Variants in PHTF1 observed in about 807,000 individuals in gnomAD.
PHTF1 encodes putative homeodomain transcription factor 1.
Under a neutral mutation model 102.4 loss-of-function variants are expected in PHTF1, and 88 were observed. That is an observed-to-expected ratio of 0.86 (90% CI 0.72 to 1.03). The LOEUF (loss-of-function observed/expected upper bound fraction) is 1.03, where lower values mean the gene tolerates loss of function less well. PHTF1 is among the 50% of genes least tolerant of loss of function. The pLI is 0.00. For missense variants in PHTF1, 814 were observed against 909.5 expected (o/e 0.89, Z 1.35); for synonymous variants, 289 against 305.2 (o/e 0.95, Z 0.55).
intron 2 of PHTF1, 61 bp from the exon 3 acceptor site, chr1:113,757,816 C>G (rs557928901): frequency 9.3e-7 from 1 of 1,075,022 alleles, no homozygotes; most frequent in East Asian, 2.4e-5. Context: ...ATTATTAAGT[C>G]AAGCCTCATA....
Position 113,704,639 on chromosome 1 carries a change from C to T in PHTF1, c.1803+27G>A, listed in dbSNP as rs115915824. The T allele has an allele frequency of 3.9e-6, 6 of 1,536,890 alleles. No homozygotes were observed. The African/African-American group carries it at 6.9e-5, about 18-fold the overall frequency. ...TTCAGTGAGCATATTCTTGCACATACTCTATTGTTAATCAAATAAAACTCA... is the reference window on the plus strand; with the variant it reads ...TTCAGTGAGCATATTCTTGCACATATTCTATTGTTAATCAAATAAAACTCA... On this transcript the variant is annotated intron_variant, in intron 14 of 18. Coordinates refer to ENST00000369604, the MANE Select transcript of PHTF1 (RefSeq NM_001323043.2).
intron 16 of PHTF1, 99 bp from the exon 17 acceptor site, chr1:113,699,898 T>TA (rs1357504411): frequency 4.3e-6 from 3 of 702,938 alleles, no homozygotes; most frequent in Non-Finnish European, 6.9e-6. Context: ...TCAAGTAAAA[T>TA]AAATTTTGAA....
intron 3 of PHTF1, among the ~76,000 whole-genome samples, chr1:113,754,149 G>A (rs1458832462): frequency 6.6e-6 from 1 of 152,166 alleles, no homozygotes; most frequent in East Asian, 1.9e-4. Context: ...AGCGTCTCAT[G>A]CCTATAATCT....
chr1:113,747,250 T>C (rs963532870), intron 3 of PHTF1, among the ~76,000 whole-genome samples: 3 of 152,258 alleles, frequency 2.0e-5, no homozygotes, highest in African/African-American at 7.2e-5. Context: ...CTAAGCCAAG[T>C]AGTGAACTAT....
At chr1:113,710,580 C>A in intron 10 of PHTF1, 105 bp from the exon 11 acceptor site, 1 of 761,836 alleles carries the variant, frequency 1.3e-6, no homozygotes, top group Non-Finnish European at 2.1e-6. Flanking sequence ...TGAAAGCCTT[C>A]AGAAGTCAAT....
chr1:113,728,899 G>A (rs2101489654), intron 5 of PHTF1, among the ~76,000 whole-genome samples: 1 of 152,318 alleles, frequency 6.6e-6, no homozygotes, highest in Non-Finnish European at 1.5e-5. Context: ...GTGACAGAAT[G>A]AGACTCTGTC....
intron 7 of PHTF1, among the ~76,000 whole-genome samples, chr1:113,723,888 T>C (rs1188406272): frequency 6.6e-6 from 1 of 152,204 alleles, no homozygotes; most frequent in East Asian, 1.9e-4. Context: ...AAGGGATTAA[T>C]AACCAGAATA....
chr1:113,697,024 T>C lies in PHTF1; in HGVS notation c.*681A>G, dbSNP rs1348747995. On this transcript the variant is annotated 3_prime_UTR_variant, in exon 19 of 19. Transcript: ENST00000369604. The stretch of plus-strand genomic sequence containing the variant: ...TGATGGAAATGGATGAGTAGGCATA[T>C]ACTTAAATTTTTCATGCTGAATTAC... The C allele has an allele frequency of 6.6e-6, 1 of 152,290 alleles. No individual in the cohort carries two copies. The highest frequency in any genetic ancestry group is 2.4e-5 in the African/African-American group (1 of 41,448). The allele number at this position is 152,290 out of a possible 1,614,324, so 9.4% of individuals were successfully genotyped here.
chr1:113,708,097 T>A (rs1295139279), intron 11 of PHTF1, among the ~76,000 whole-genome samples: 1 of 151,904 alleles, frequency 6.6e-6, no homozygotes, highest in Admixed American at 6.6e-5. Flanking sequence ...AAGCAAGCAA[T>A]CCAGAAAGAA....
At chr1:113,700,299 G>GA (rs1483821967) in intron 16 of PHTF1, 9 of 404,702 alleles carry the variant, frequency 2.2e-5, no homozygotes, top group Non-Finnish European at 3.0e-5. Context: ...AAAGTTTATG[G>GA]AAAAACTTGA....
At position 113,738,587 on chromosome 1, in the gene PHTF1, A is replaced by G. The variant is rs1655877156; in HGVS notation, c.172+143T>C. On this transcript the variant is annotated intron_variant, in intron 4 of 18. Transcript: ENST00000369604. ...AGAGTCACACAGTACTAAGAGGTGG[A>G]AAAAGTGCTAAAGCCTGAATGATGA... is the stretch of plus-strand genomic sequence containing the variant. The G allele has an allele frequency of 1.1e-5, 7 of 611,304 alleles. No homozygotes were observed. The South Asian group carries it at 1.6e-4, about 14-fold the overall frequency. 37.9% of individuals were successfully genotyped at this position (611,304 alleles called of 1,614,324 possible).
At chr1:113,723,515 T>C (rs1653335956) in intron 7 of PHTF1, among the ~76,000 whole-genome samples, 1 of 152,106 alleles carries the variant, frequency 6.6e-6, no homozygotes, top group Admixed American at 6.6e-5. Context: ...GCCAAGAACA[T>C]ACATTAGAGA....
At chr1:113,720,314 AAG>A (rs1222669352) in intron 7 of PHTF1, among the ~76,000 whole-genome samples, 1 of 148,594 alleles carries the variant, frequency 6.7e-6, no homozygotes, top group African/African-American at 2.6e-5. Context: ...ATTAGAGTTA[AAG>A]AGAGAGACAG....
At chr1:113,706,851 C>CT (rs11363653) in intron 11 of PHTF1, 129 bp from the exon 12 acceptor site, 9,819 of 216,512 alleles carry the variant, frequency 0.045, 178 homozygotes, top group Non-Finnish European at 0.051. Context: ...TTCTTTCTTT[C>CT]TTTTTTTTTT....
intron 14 of PHTF1, among the ~76,000 whole-genome samples, chr1:113,704,400 C>T (rs931594584): frequency 5.9e-5 from 9 of 151,990 alleles, no homozygotes; most frequent in Non-Finnish European, 1.2e-4. Context: ...GAGTATTTCC[C>T]AAAAAAGCCA....
chr1:113,757,465 TG>T (rs1400836799), intron 3 of PHTF1, among the ~76,000 whole-genome samples: 4 of 152,240 alleles, frequency 2.6e-5, no homozygotes, highest in Non-Finnish European at 5.9e-5. Context: ...CCTATTTATA[TG>T]GGACATTTGC....
At chr1:113,702,661 G>A (rs969246438) in intron 15 of PHTF1, among the ~76,000 whole-genome samples, 1 of 151,890 alleles carries the variant, frequency 6.6e-6, no homozygotes, top group Non-Finnish European at 1.5e-5. Flanking sequence ...AAAGGAAGAA[G>A]AAGAACGAAT....
intron 15 of PHTF1, chr1:113,703,828 C>T (rs1649710930): frequency 7.2e-6 from 3 of 418,134 alleles, no homozygotes; most frequent in Non-Finnish European, 1.3e-5. Context: ...AGTTATTTTG[C>T]AACCATATGA....
Position 113,697,691 on chromosome 1 carries a change from G to C in PHTF1, c.*14C>G. ...TTGATACCAGCCAGGGGAGAGTCCA[G>C]GCATTTACTCAGCTTATGATTTAAT... On this transcript the variant is annotated 3_prime_UTR_variant, in exon 19 of 19. Coordinates refer to ENST00000369604, the MANE Select transcript of PHTF1 (RefSeq NM_001323043.2). 2 of 1,503,300 alleles carry C rather than the reference G, an allele frequency of 1.3e-6. No homozygotes were observed. Among genetic ancestry groups the C allele is most frequent in the Non-Finnish European group, 1.8e-6 (2 of 1,120,848 alleles). 93.1% of individuals were successfully genotyped at this position (1,503,300 alleles called of 1,614,324 possible).
Sources: allele counts gnomAD v4.1 joint callset (sites outside exome capture counted in the v4.1 genomes callset), GRCh38; gene constraint gnomAD v4.1.1; transcripts MANE v1.5; gene names NCBI Gene and HGNC (gene_info 2026-07-23, HGNC 2026-07-21).